Variants in CPN1 observed in about 807,000 individuals in gnomAD.
The protein encoded by CPN1 is carboxypeptidase N subunit 1, also known as carboxypeptidase N catalytic chain.
In CPN1, 37 loss-of-function variants were observed where a neutral mutation model predicts 46.4. The ratio of observed to expected loss-of-function variants is 0.80; its 90% CI spans 0.61 to 1.05. The LOEUF is 1.05. CPN1 is among the 50% of genes least tolerant of loss of function. The pLI, the probability that CPN1 is intolerant of heterozygous loss-of-function variation, is 0.00. For missense variants in CPN1, 563 were observed against 602.6 expected (o/e 0.93, Z 0.69); for synonymous variants, 224 against 235.4 (o/e 0.95, Z 0.44).
intron 3 of CPN1, 141 bp from the exon 4 acceptor site, chr10:100,065,511 G>T: frequency 1.2e-6 from 1 of 838,316 alleles, no homozygotes; most frequent in South Asian, 1.7e-5. Flanking sequence ...GATATGAAAA[G>T]TGGAGATGGG....
chr10:100,055,255 A>G (rs1322407609), intron 6 of CPN1, among the ~76,000 whole-genome samples: 1 of 151,740 alleles, frequency 6.6e-6, no homozygotes, highest in Non-Finnish European at 1.5e-5. Context: ...AAAAATTTGT[A>G]ATGTTGTGCG....
At chr10:100,053,114 T>G (rs1216539269) in intron 7 of CPN1, among the ~76,000 whole-genome samples, 1 of 152,204 alleles carries the variant, frequency 6.6e-6, no homozygotes, top group Non-Finnish European at 1.5e-5. Context: ...TGTCCAGACA[T>G]TTGGCTAATA....
chr10:100,064,673 A>T (rs2041442429), intron 4 of CPN1, among the ~76,000 whole-genome samples: 1 of 151,898 alleles, frequency 6.6e-6, no homozygotes, highest in African/African-American at 2.4e-5. Flanking sequence ...GAGCCACCGC[A>T]CCAGGCCAAT....
At chr10:100,052,314 C>T (rs889231252) in intron 7 of CPN1, among the ~76,000 whole-genome samples, 3 of 151,826 alleles carry the variant, frequency 2.0e-5, no homozygotes, top group Non-Finnish European at 2.9e-5. Context: ...CAGGCAATCC[C>T]CCCACCTCGG....
intron 5 of CPN1, among the ~76,000 whole-genome samples, chr10:100,060,898 T>C (rs568018838): frequency 2.0e-5 from 3 of 152,210 alleles, no homozygotes; most frequent in Admixed American, 6.5e-5. Flanking sequence ...AAAGAAAATG[T>C]GGCACATATA....
At position 100,081,416 on chromosome 10, in the gene CPN1, T is replaced by A; in HGVS notation, c.210A>T (p.Gly70=). 2 of 1,612,766 alleles carry A rather than the reference T, an allele frequency of 1.2e-6. No individual in the cohort carries two copies. The highest frequency in any genetic ancestry group is 1.7e-6 in the Non-Finnish European group (2 of 1,179,926). ...TTCAGAACTTACAGGGCTCGTGGATTCCAGGGTGGTCGCTGAACTCCAGCA... is the reference window on the plus strand; with the variant it reads ...TTCAGAACTTACAGGGCTCGTGGATACCAGGGTGGTCGCTGAACTCCAGCA... ...LYVLEFSDHP[G]IHEPLEPEVK... The change falls in exon 1 of 9, where the codon GGA becomes GGT. Residue 70 remains glycine, a synonymous_variant. Coordinates refer to ENST00000370418, the MANE Select transcript of CPN1 (RefSeq NM_001308.3).
At chr10:100,059,592 C>A (rs201823704) in intron 5 of CPN1, among the ~76,000 whole-genome samples, 387 of 114,774 alleles carry the variant, frequency 3.4e-3, no homozygotes, top group Admixed American at 3.5e-3. Flanking sequence ...TGGCTACTAT[C>A]AAAAAAAAAA....
chr10:100,052,460 T>G (rs2041361005), intron 7 of CPN1, among the ~76,000 whole-genome samples: 4 of 152,088 alleles, frequency 2.6e-5, no homozygotes, highest in Admixed American at 2.0e-4. Context: ...CAAGTGTTCC[T>G]CTCACCTGAG....
In CPN1 at chr10:100,081,358, G is replaced by A. The variant is rs766899820; in HGVS notation, c.223+45C>T. 7 of 1,551,576 alleles carry A rather than the reference G, an allele frequency of 4.5e-6. No homozygotes were observed. In the African/African-American group the frequency reaches 6.8e-5, roughly 15 times the overall value. The stretch of plus-strand genomic sequence containing the variant: ...CACTCCAATTACTGGATTTGCAAGG[G>A]AAAGGCCCTGCCCCACACACCCTCA... On this transcript the variant is annotated intron_variant, in intron 1 of 8. Coordinates refer to ENST00000370418, the MANE Select transcript of CPN1 (RefSeq NM_001308.3).
intron 5 of CPN1, among the ~76,000 whole-genome samples, chr10:100,057,979 T>C (rs768269017): frequency 7.9e-5 from 12 of 152,160 alleles, no homozygotes; most frequent in Non-Finnish European, 2.9e-5. Flanking sequence ...TTTCTTTGTG[T>C]TGGAAACATC....
At chr10:100,075,256 C>T (rs1257729797) in intron 2 of CPN1, among the ~76,000 whole-genome samples, 1 of 152,190 alleles carries the variant, frequency 6.6e-6, no homozygotes, top group Non-Finnish European at 1.5e-5. Context: ...CACCACTGCA[C>T]TCCAGCCTGG....
chr10:100,045,561 T>A (rs2041303030), intron 8 of CPN1, among the ~76,000 whole-genome samples: 1 of 152,190 alleles, frequency 6.6e-6, no homozygotes, highest in Non-Finnish European at 1.5e-5. Flanking sequence ...AATAAGGAGC[T>A]ACAAACACAG....
chr10:100,043,091 C>CAAA (rs749971720), intron 8 of CPN1, among the ~76,000 whole-genome samples: 1 of 57,596 alleles, frequency 1.7e-5, no homozygotes, highest in African/African-American at 5.8e-5. Flanking sequence ...GACTCCATCT[C>CAAA]AAAAAAAAAA....
intron 7 of CPN1, among the ~76,000 whole-genome samples, chr10:100,051,616 C>T (rs2041354195): frequency 6.6e-6 from 1 of 152,088 alleles, no homozygotes; most frequent in Admixed American, 6.5e-5. Flanking sequence ...CAACCTCCAC[C>T]TCCTGGGTTC....
chr10:100,057,188 C>A, intron 5 of CPN1, 36 bp from the exon 6 acceptor site: 1 of 1,610,692 alleles, frequency 6.2e-7, no homozygotes, highest in Non-Finnish European at 8.5e-7. Flanking sequence ...TTTCCATAAC[C>A]AGGTTCCCAC....
chr10:100,056,908 A>T (rs1036742834), intron 6 of CPN1, 105 bp downstream of exon 6: 166 of 1,391,978 alleles, frequency 1.2e-4, no homozygotes, highest in Non-Finnish European at 1.6e-4. Flanking sequence ...GATCTATTGG[A>T]CTGAGTCAGA....
chr10:100,045,648 G>A (rs1486456750), intron 8 of CPN1, among the ~76,000 whole-genome samples: 1 of 152,188 alleles, frequency 6.6e-6, no homozygotes, highest in East Asian at 1.9e-4. Context: ...TTCGAATCCT[G>A]ACTCCCACCA....
chr10:100,069,090 T>C (rs1448960096), intron 3 of CPN1, among the ~76,000 whole-genome samples: 1 of 152,228 alleles, frequency 6.6e-6, no homozygotes, highest in Non-Finnish European at 1.5e-5. Context: ...CATGATGTCA[T>C]GATCAACTGA....
Position 100,076,007 on chromosome 10 carries a change from C to G in CPN1, c.324G>C (p.Arg108=), listed in dbSNP as rs61754515. 11,232 of 1,614,062 alleles carry G rather than the reference C, an allele frequency of 7.0e-3. 636 individuals carry two copies. The African/African-American group carries it at 0.13, about 18-fold the overall frequency. The stretch of plus-strand genomic sequence containing the variant: ...GCTGGACGATGCGCTGGTTCCTGTT[C>G]CGGAACTCCTCGCACAGAAACTCCG... ...QLSEFLCEEF[R]NRNQRIVQLI... The change falls in exon 2 of 9, where the codon CGG becomes CGC. Residue 108 remains arginine, a synonymous_variant. Transcript: ENST00000370418.
Sources: allele counts gnomAD v4.1 joint callset (sites outside exome capture counted in the v4.1 genomes callset), GRCh38; gene constraint gnomAD v4.1.1; transcripts MANE v1.5; gene names NCBI Gene and HGNC (gene_info 2026-07-23, HGNC 2026-07-21).